Variants in PTPRD observed in about 807,000 individuals in gnomAD.
The protein encoded by PTPRD is receptor-type tyrosine-protein phosphatase delta.
Under a neutral mutation model 214.5 loss-of-function variants are expected in PTPRD, and 34 were observed. The ratio of observed to expected loss-of-function variants is 0.16; its 90% CI spans 0.12 to 0.21. The LOEUF (loss-of-function observed/expected upper bound fraction) is 0.21, where lower values mean the gene tolerates loss of function less well. Among genes scored for constraint, PTPRD ranks in the 10% least tolerant of loss-of-function variants. The pLI is 1.00. For synonymous variants in PTPRD, 1,128 were observed against 845.7 expected, an observed-to-expected ratio of 1.33 and a Z score of -5.79; for missense variants, 2,545 against 2,398.7, an observed-to-expected ratio of 1.06 and a Z score of -1.27.
At chr9:9,670,179 G>T (rs980984521) in intron 7 of PTPRD, among the ~76,000 whole-genome samples, 7 of 152,136 alleles carry the variant, frequency 4.6e-5, no homozygotes, top group Non-Finnish European at 8.8e-5. Context: ...TAAAAATTGT[G>T]TTTAATGTAG....
intron 5 of PTPRD, among the ~76,000 whole-genome samples, chr9:9,911,253 T>A (rs141791658): frequency 6.6e-6 from 1 of 152,172 alleles, no homozygotes; most frequent in African/African-American, 2.4e-5. Flanking sequence ...GGATAAAATA[T>A]TGCTCTCGTC....
intron 42 of PTPRD, 68 bp from the exon 43 acceptor site, chr9:8,339,115 A>G (rs1023552834): frequency 4.4e-6 from 6 of 1,356,834 alleles, no homozygotes; most frequent in African/African-American, 2.9e-5. Context: ...TTATCTATCT[A>G]TCTATCTAAT....
intron 12 of PTPRD, among the ~76,000 whole-genome samples, chr9:8,667,911 C>G (rs2097201175): frequency 6.6e-6 from 1 of 152,018 alleles, no homozygotes; most frequent in Admixed American, 6.6e-5. Context: ...TAGGGAGTCT[C>G]TCTGAGCCTA....
chr9:9,465,788 TG>T (rs1187125230), intron 8 of PTPRD, among the ~76,000 whole-genome samples: 5 of 151,900 alleles, frequency 3.3e-5, no homozygotes, highest in African/African-American at 9.7e-5. Flanking sequence ...ATGTCAGGGG[TG>T]GGGGAAGTGG....
intron 7 of PTPRD, among the ~76,000 whole-genome samples, chr9:9,580,565 TTGA>T (rs2090463773): frequency 6.8e-6 from 1 of 147,974 alleles, no homozygotes. Context: ...TTTTTTTTTT[TTGA>T]GACAGAGTCT....
At chr9:10,191,894 C>T (rs1178864655) in intron 3 of PTPRD, among the ~76,000 whole-genome samples, 14 of 152,134 alleles carry the variant, frequency 9.2e-5, no homozygotes, top group Admixed American at 8.5e-4. Flanking sequence ...TCATTAGTTT[C>T]TAGTAGAAAT....
intron 8 of PTPRD, among the ~76,000 whole-genome samples, chr9:9,500,924 T>C (rs1191030920): frequency 5.9e-5 from 9 of 152,194 alleles, no homozygotes; most frequent in Non-Finnish European, 1.3e-4. Context: ...AATTGTTCAA[T>C]ATTAATTGCA....
At chr9:8,375,388 A>G (rs2082915695) in intron 39 of PTPRD, among the ~76,000 whole-genome samples, 1 of 152,092 alleles carries the variant, frequency 6.6e-6, no homozygotes, top group African/African-American at 2.4e-5. Context: ...TCCAAATTAT[A>G]GAACTTGTAT....
At chr9:9,006,191 G>A (rs1183689846) in intron 11 of PTPRD, among the ~76,000 whole-genome samples, 1 of 121,494 alleles carries the variant, frequency 8.2e-6, no homozygotes, top group Admixed American at 9.3e-5. Flanking sequence ...GATTAGAGGT[G>A]TATCCAACCG....
chr9:8,813,019 A>G (rs531774822), intron 11 of PTPRD, among the ~76,000 whole-genome samples: 219 of 136,968 alleles, frequency 1.6e-3, no homozygotes, highest in African/African-American at 5.6e-3. Flanking sequence ...ATAATCATCA[A>G]TAAACTGAGA....
intron 9 of PTPRD, among the ~76,000 whole-genome samples, chr9:9,265,006 C>T (rs140703751): frequency 9.8e-4 from 148 of 151,574 alleles, no homozygotes; most frequent in African/African-American, 3.5e-3. Flanking sequence ...GGGTGTTCAT[C>T]GCAACTAGAC....
chr9:10,158,720 A>T (rs2099109112), intron 3 of PTPRD, among the ~76,000 whole-genome samples: 1 of 152,184 alleles, frequency 6.6e-6, no homozygotes, highest in Non-Finnish European at 1.5e-5. Flanking sequence ...CACCAACTGC[A>T]TGGAAAATTT....
chr9:10,013,149 C>A (rs1235661201), intron 4 of PTPRD, among the ~76,000 whole-genome samples: 1 of 151,764 alleles, frequency 6.6e-6, no homozygotes, highest in Non-Finnish European at 1.5e-5. Flanking sequence ...AGTATACCTA[C>A]AATAAGTCTT....
intron 10 of PTPRD, among the ~76,000 whole-genome samples, chr9:9,048,420 T>C (rs1576681): frequency 0.25 from 37,787 of 152,086 alleles, 5,438 homozygotes; most frequent in South Asian, 0.33. Flanking sequence ...CATCACCAGA[T>C]GGATGGATAA....
chr9:8,843,234 C>T (rs1288196323), intron 11 of PTPRD, among the ~76,000 whole-genome samples: 4 of 152,210 alleles, frequency 2.6e-5, no homozygotes, highest in African/African-American at 7.2e-5. Context: ...GTGTACTTCA[C>T]ATCGGGCTGG....
chr9:8,748,381 C>T (rs907952714), intron 11 of PTPRD, among the ~76,000 whole-genome samples: 1 of 151,810 alleles, frequency 6.6e-6, no homozygotes, highest in Non-Finnish European at 1.5e-5. Context: ...TCATCTATTG[C>T]CTGAGAGCAC....
intron 14 of PTPRD, among the ~76,000 whole-genome samples, chr9:8,579,804 G>A (rs1383503588): frequency 6.6e-6 from 1 of 152,198 alleles, no homozygotes; most frequent in Admixed American, 6.5e-5. Context: ...ACGTACCTTG[G>A]AAGGAATGTA....
chr9:9,105,294 T>C (rs776770643), intron 10 of PTPRD, among the ~76,000 whole-genome samples: 53 of 151,892 alleles, frequency 3.5e-4, no homozygotes, highest in Non-Finnish European at 1.0e-4. Flanking sequence ...AAGCCTTTCA[T>C]ACCTCTTCCA....
chr9:10,498,516 T>C (rs935776684), intron 2 of PTPRD, among the ~76,000 whole-genome samples: 1 of 151,928 alleles, frequency 6.6e-6, no homozygotes, highest in African/African-American at 2.4e-5. Flanking sequence ...CAAATTTCTC[T>C]TTTATTTCAA....
Sources: gnomAD v4.1 joint callset for allele counts (sites outside exome capture counted in the v4.1 genomes callset) on GRCh38, gnomAD v4.1.1 for gene constraint, MANE v1.5 for transcripts, NCBI Gene and HGNC (gene_info 2026-07-23, HGNC 2026-07-21) for gene names.